Variants in STK3 observed in about 807,000 individuals in gnomAD.
The protein encoded by STK3 is serine/threonine-protein kinase 3.
Under a neutral mutation model 58.0 loss-of-function variants are expected in STK3, and 41 were observed. The ratio of observed to expected loss-of-function variants is 0.71; its 90% CI spans 0.55 to 0.92. The LOEUF is 0.92. Ranked by LOEUF, STK3 falls within the 40% of genes least tolerant of loss-of-function variation. The pLI is 0.00. For synonymous variants in STK3, 170 were observed against 191.0 expected, an observed-to-expected ratio of 0.89 and a Z score of 0.91; for missense variants, 479 against 602.7, an observed-to-expected ratio of 0.79 and a Z score of 2.15.
chr8:98,526,363 CTA>C (rs1825741083), intron 10 of STK3: 1 of 153,686 alleles, frequency 6.5e-6, no homozygotes, highest in African/African-American at 2.4e-5. Context: ...TTCTCAAACT[CTA>C]TGTCATAAAT....
intron 6 of STK3, among the ~76,000 whole-genome samples, chr8:98,654,525 G>A (rs1332417749): frequency 3.3e-5 from 5 of 152,144 alleles, no homozygotes; most frequent in Non-Finnish European, 7.3e-5. Flanking sequence ...ATTCAATTAG[G>A]AAAAGAGGAA....
chr8:98,370,921 A>G (rs1384392856), downstream of STK3, among the ~76,000 whole-genome samples: 3 of 152,188 alleles, frequency 2.0e-5, no homozygotes, highest in Non-Finnish European at 4.4e-5. Context: ...CATACAAAAT[A>G]TTGTAAAATG....
Position 98,413,816 on chromosome 8 carries a change from C to T in STK3, n.484-12303G>A, listed in dbSNP as rs1365128332. On this transcript the variant is annotated intron_variant and non_coding_transcript_variant, in intron 3 of 3. Coordinates refer to the STK3 transcript ENST00000517832. ...CGAGGGTGGGGGCCTCAGGGTTCAC[C>T]CACAAACCCCTCCCAGATGGGGCCG... 6 of 599,880 alleles carry T rather than the reference C, an allele frequency of 1.0e-5. No homozygotes were observed. In the African/African-American group the frequency reaches 1.1e-4, roughly 11 times the overall value. The allele number at this position is 599,880 out of a possible 1,614,324, so 37.2% of individuals were successfully genotyped here.
intron 3 of STK3, among the ~76,000 whole-genome samples, chr8:98,424,630 C>T (rs899162920): frequency 3.9e-5 from 6 of 152,024 alleles, no homozygotes; most frequent in African/African-American, 1.5e-4. Flanking sequence ...AAATCTCCCA[C>T]GACCACAGAG....
chr8:98,456,047 AT>A (rs1819466537), intron 10 of STK3, 47 bp from the exon 11 acceptor site: 1 of 1,524,784 alleles, frequency 6.6e-7, no homozygotes, highest in Non-Finnish European at 8.9e-7. Flanking sequence ...TATCCACATT[AT>A]CCACAATCAA....
chr8:98,348,025 C>T, the STK3 span, among the ~76,000 whole-genome samples: 77 of 152,122 alleles, frequency 5.1e-4, no homozygotes, highest in South Asian at 5.0e-3. Context: ...TATAAATCTA[C>T]GATAATCAAG....
At chr8:98,479,838 A>G (rs1821706125) in intron 10 of STK3, among the ~76,000 whole-genome samples, 1 of 152,242 alleles carries the variant, frequency 6.6e-6, no homozygotes, top group African/African-American at 2.4e-5. Flanking sequence ...CTGAGGTAAG[A>G]GAAGACATGC....
downstream of STK3, chr8:98,881,714 A>T (rs949814230): frequency 3.9e-5 from 6 of 152,246 alleles, no homozygotes; most frequent in African/African-American, 1.4e-4. Flanking sequence ...AATTTAAAAA[A>T]TATCAAACTC....
rs574603067 is a variant in STK3, at chr8:98,372,539, T to C, written n.112-861A>G. 4.2e-4 allele frequency among the ~76,000 whole-genome samples: 31 copies of C among 74,046 alleles called. No individual in the cohort carries two copies. The East Asian group carries it at 5.8e-3, about 14-fold the overall frequency. 48.6% of individuals were successfully genotyped at this position (74,046 alleles called of 152,430 possible). The stretch of plus-strand genomic sequence containing the variant: ...TTCTACCTGAACACCCAGTGGTTTT[T>C]TGTTTTTTTTTTTCCCCTTAACTCT... On this transcript the variant is annotated intron_variant and non_coding_transcript_variant, in intron 2 of 2. Coordinates refer to the STK3 transcript ENST00000518704.
intron 6 of STK3, among the ~76,000 whole-genome samples, chr8:98,641,376 T>C (rs1820002618): frequency 1.3e-5 from 2 of 152,140 alleles, no homozygotes; most frequent in Admixed American, 6.6e-5. Flanking sequence ...TACCTATTAA[T>C]CAGTTCTACA....
At chr8:98,565,267 G>A (rs2131652033) in intron 8 of STK3, among the ~76,000 whole-genome samples, 1 of 152,140 alleles carries the variant, frequency 6.6e-6, no homozygotes, top group Middle Eastern at 3.4e-3. Flanking sequence ...ATCAAGCATT[G>A]TTTTTTGTTT....
chr8:98,869,623 C>A (rs1454027747), intron 3 of STK3, among the ~76,000 whole-genome samples: 1 of 151,902 alleles, frequency 6.6e-6, no homozygotes, highest in African/African-American at 2.4e-5. Flanking sequence ...GCCTGGAGCC[C>A]CCGAAAGCTG....
intron 10 of STK3, among the ~76,000 whole-genome samples, chr8:98,509,320 G>A (rs999483187): frequency 2.6e-5 from 4 of 151,804 alleles, no homozygotes; most frequent in African/African-American, 9.7e-5. Context: ...TATAATTTAT[G>A]CTCATAATTA....
chr8:98,479,652 T>C (rs183272061), intron 10 of STK3, among the ~76,000 whole-genome samples: 71 of 152,272 alleles, frequency 4.7e-4, no homozygotes, highest in African/African-American at 1.6e-3. Context: ...AAACACATTC[T>C]TCCCCCTCCA....
At chr8:98,598,110 G>A (rs1017089314) in intron 6 of STK3, 21 of 985,298 alleles carry the variant, frequency 2.1e-5, no homozygotes, top group Non-Finnish European at 2.5e-5. Flanking sequence ...TCAAACTGCA[G>A]GTAAATTATA....
chr8:98,480,876 A>AT (rs1221189300), intron 10 of STK3, among the ~76,000 whole-genome samples: 2 of 152,232 alleles, frequency 1.3e-5, no homozygotes, highest in Non-Finnish European at 2.9e-5. Context: ...ATACATACAC[A>AT]CAAAGCAAAT....
intron 10 of STK3, among the ~76,000 whole-genome samples, chr8:98,512,490 C>G (rs1283550514): frequency 6.6e-6 from 1 of 152,060 alleles, no homozygotes; most frequent in Non-Finnish European, 1.5e-5. Context: ...AGAATTAATA[C>G]ATAAACAATA....
intron 1 of STK3, among the ~76,000 whole-genome samples, chr8:98,914,385 G>T (rs1386335757): frequency 6.6e-6 from 1 of 151,852 alleles, no homozygotes; most frequent in African/African-American, 2.4e-5. Context: ...TCCAGCTTGG[G>T]CAACAGAGCA....
At chr8:98,433,730 G>A (rs181472493) in intron 3 of STK3, among the ~76,000 whole-genome samples, 1 of 152,350 alleles carries the variant, frequency 6.6e-6, no homozygotes, top group Admixed American at 6.5e-5. Flanking sequence ...GAAGAGCAGA[G>A]AGATTGCTTA....
Sources: allele counts gnomAD v4.1 joint callset (sites outside exome capture counted in the v4.1 genomes callset), GRCh38; gene constraint gnomAD v4.1.1; transcripts MANE v1.5; gene names NCBI Gene and HGNC (gene_info 2026-07-23, HGNC 2026-07-21).